The following GTF2H3 variants were observed in gnomAD, a reference collection of about 807,000 sequenced individuals.
GTF2H3 encodes the protein general transcription factor IIH subunit 3.
Under a neutral mutation model 51.1 loss-of-function variants are expected in GTF2H3, and 42 were observed. The ratio of observed to expected loss-of-function variants is 0.82; its 90% CI spans 0.64 to 1.06. The LOEUF is 1.06. Among genes scored for constraint, GTF2H3 ranks in the 50% least tolerant of loss-of-function variants. The probability of loss-of-function intolerance (pLI) is 0.00; values close to 1 mark genes in which losing one functional copy is unlikely to be tolerated. For missense variants in GTF2H3, 326 were observed against 366.1 expected (o/e 0.89, Z 0.89); for synonymous variants, 123 against 123.8 (o/e 0.99, Z 0.04).
At chr12:123,649,062 G>T (rs745647284) in intron 4 of GTF2H3, 1 of 152,406 alleles carries the variant, frequency 6.6e-6, no homozygotes, top group African/African-American at 2.4e-5. Context: ...CGCCTCCCGG[G>T]TTCAAGAGAT....
At chr12:123,658,884 C>A (rs1955618768) in intron 9 of GTF2H3, among the ~76,000 whole-genome samples, 3 of 152,112 alleles carry the variant, frequency 2.0e-5, no homozygotes, top group Admixed American at 2.0e-4. Flanking sequence ...TAACTCATTT[C>A]AAAGTGGGCC....
chr12:123,633,981 CTTTA>C, intron 1 of GTF2H3, 109 bp downstream of exon 1: 1 of 1,215,048 alleles, frequency 8.2e-7, no homozygotes. Flanking sequence ...TCCGTTTGGT[CTTTA>C]GAGGAGTAGC....
At position 123,660,280 on chromosome 12, in the gene GTF2H3, A is replaced by G; in HGVS notation, c.*45A>G. On this transcript the variant is annotated 3_prime_UTR_variant, in exon 13 of 13. Coordinates refer to ENST00000543341, the MANE Select transcript of GTF2H3 (RefSeq NM_001516.5). ...TCTTTTAGAGCTGTTAATAGAAATT[A>G]TATAGCAGATTCTTTGTTGGGAAGA... is the stretch of plus-strand genomic sequence containing the variant. 2.2e-6 allele frequency: 3 copies of G among 1,339,698 alleles called. No homozygotes were observed. Among genetic ancestry groups the G allele is most frequent in the Non-Finnish European group, 3.1e-6 (3 of 952,682 alleles). 83.0% of individuals were successfully genotyped at this position (1,339,698 alleles called of 1,614,324 possible). A position where few individuals can be genotyped will look rare whatever the true frequency, so the allele number is the denominator to read the frequency against.
intron 1 of GTF2H3, among the ~76,000 whole-genome samples, chr12:123,637,628 G>A (rs1353596083): frequency 2.6e-5 from 4 of 151,106 alleles, no homozygotes; most frequent in East Asian, 3.9e-4. Context: ...TCAGCCTCCC[G>A]AGTAGCTGGA....
chr12:123,645,481 C>T lies in GTF2H3; in HGVS notation c.120C>T (p.Ala40=), dbSNP rs746780189. The T allele has an allele frequency of 6.9e-6, 11 of 1,603,842 alleles. No homozygotes were observed. In the Admixed American group the frequency reaches 8.3e-5, roughly 12 times the overall value. The change falls in exon 3 of 13, where the codon GCC becomes GCT. Residue 40 remains alanine, a synonymous_variant. Transcript: ENST00000543341. Reference sequence around the variant, plus strand: ...TCACTTTATCCAAATGCATAGATGCCGTGATGGTGCTGGGAAATTCGCATT... The same window carrying T: ...TCACTTTATCCAAATGCATAGATGCTGTGATGGTGCTGGGAAATTCGCATT... ...SQFTLSKCID[A]VMVLGNSHLF...
At chr12:123,656,316 T>C (rs1329171396) in intron 9 of GTF2H3, among the ~76,000 whole-genome samples, 1 of 152,250 alleles carries the variant, frequency 6.6e-6, no homozygotes, top group Non-Finnish European at 1.5e-5. Context: ...ATGTTCATTT[T>C]ATTATTTAAA....
chr12:123,642,458 C>T (rs1027167048), intron 2 of GTF2H3, among the ~76,000 whole-genome samples: 7 of 152,130 alleles, frequency 4.6e-5, no homozygotes, highest in African/African-American at 1.7e-4. Flanking sequence ...CATGAGCCAC[C>T]ACACCTGGTC....
chr12:123,634,916 T>C (rs1356772619), intron 1 of GTF2H3, among the ~76,000 whole-genome samples: 3 of 152,232 alleles, frequency 2.0e-5, no homozygotes, highest in Admixed American at 6.5e-5. Flanking sequence ...GAAAGTGTTA[T>C]GATCTGGTTT....
chr12:123,649,459 G>T (rs1303349060), intron 4 of GTF2H3: 1 of 152,280 alleles, frequency 6.6e-6, no homozygotes, highest in Non-Finnish European at 1.5e-5. Context: ...GATGCCCCCT[G>T]TAGGGCACAT....
intron 3 of GTF2H3, 60 bp from the exon 4 acceptor site, chr12:123,647,903 C>G (rs1334107166): frequency 7.9e-7 from 1 of 1,259,502 alleles, no homozygotes; most frequent in African/African-American, 1.5e-5. Context: ...TCATTCTGAT[C>G]ATGAGTGAGC....
At chr12:123,635,824 G>A (rs1322887771) in intron 1 of GTF2H3, among the ~76,000 whole-genome samples, 2 of 152,180 alleles carry the variant, frequency 1.3e-5, no homozygotes, top group Non-Finnish European at 2.9e-5. Flanking sequence ...ACAACTAACT[G>A]TAAAATAAAA....
At chr12:123,659,478 A>C (rs762710324) in intron 9 of GTF2H3, 38 bp from the exon 10 acceptor site, 4 of 1,591,056 alleles carry the variant, frequency 2.5e-6, no homozygotes, top group Non-Finnish European at 3.5e-6. Context: ...AACCCTAGGT[A>C]AGTGCGAGTT....
Position 123,645,522 on chromosome 12 carries a change from C to G in GTF2H3, c.161C>G (p.Ser54Cys), listed in dbSNP as rs1291013898. 3.2e-5 allele frequency: 51 copies of G among 1,607,928 alleles called. No individual in the cohort carries two copies. The highest frequency in any genetic ancestry group is 4.3e-5 in the Non-Finnish European group (50 of 1,174,584). The part of the protein sequence containing the change: ...LGNSHLFMNR[S>C]NKLAVIASHI... ...AATTCGCATTTATTCATGAATCGTT[C>G]CAACAAACTTGCTGTGATAGCAAGT... Residue 54 changes from serine (S) to cysteine (C), a missense_variant, in exon 3 of 13, where the codon TCC (serine) becomes TGC (cysteine). Transcript: ENST00000543341.
At chr12:123,659,764 T>C (rs768357583) in intron 10 of GTF2H3, 31 bp from the exon 11 acceptor site, 1 of 1,599,858 alleles carries the variant, frequency 6.3e-7, no homozygotes, top group East Asian at 2.2e-5. Flanking sequence ...ATGTTTTAAA[T>C]AAAAGTTTCT....
intron 5 of GTF2H3, 133 bp from the exon 6 acceptor site, chr12:123,652,399 G>A (rs1338164323): frequency 1.7e-6 from 1 of 594,456 alleles, no homozygotes; most frequent in Non-Finnish European, 2.9e-6. Flanking sequence ...ATTTATCTTG[G>A]TGAGTGGAGC....
At chr12:123,655,078 G>T in intron 8 of GTF2H3, 80 bp downstream of exon 8, 1 of 1,049,056 alleles carries the variant, frequency 9.5e-7, no homozygotes, top group East Asian at 2.4e-5. Context: ...TCTACTCTGA[G>T]GTATTCTGAC....
chr12:123,641,383 G>A (rs1955369405), intron 2 of GTF2H3, among the ~76,000 whole-genome samples: 2 of 151,780 alleles, frequency 1.3e-5, no homozygotes, highest in South Asian at 2.1e-4. Context: ...GTACCACCAC[G>A]CCTGGCTAAT....
chr12:123,635,538 A>G (rs569535840), intron 1 of GTF2H3, among the ~76,000 whole-genome samples: 1 of 143,980 alleles, frequency 6.9e-6, no homozygotes, highest in East Asian at 2.0e-4. Context: ...GTGCCACTGC[A>G]CTCCAGCTTG....
At chr12:123,635,009 AAC>A (rs1955257056) in intron 1 of GTF2H3, among the ~76,000 whole-genome samples, 1 of 152,184 alleles carries the variant, frequency 6.6e-6, no homozygotes, top group Non-Finnish European at 1.5e-5. Context: ...TCCTTTCAGG[AAC>A]TGTAATAATT....
Sources: allele counts gnomAD v4.1 joint callset (sites outside exome capture counted in the v4.1 genomes callset), GRCh38; gene constraint gnomAD v4.1.1; transcripts MANE v1.5; gene names NCBI Gene and HGNC (gene_info 2026-07-23, HGNC 2026-07-21).